The following CELF4 variants were observed in gnomAD, a reference collection of about 807,000 sequenced individuals.
CELF4 encodes CUGBP Elav-like family member 4, also known as CUG-BP- and ETR-3-like factor 4.
Under a neutral mutation model 59.9 loss-of-function variants are expected in CELF4, and 18 were observed. The ratio of observed to expected loss-of-function variants is 0.30; its 90% CI spans 0.21 to 0.45. CELF4 has a LOEUF of 0.45. Ranked by LOEUF, CELF4 falls within the 20% of genes least tolerant of loss-of-function variation. CELF4 has a pLI of 1.00. For missense variants in CELF4, 456 were observed against 689.0 expected, an observed-to-expected ratio of 0.66 and a Z score of 3.79; for synonymous variants, 261 against 267.1, an observed-to-expected ratio of 0.98 and a Z score of 0.22.
chr18:37,325,317 C>T (rs1431986218), intron 2 of CELF4, among the ~76,000 whole-genome samples: 1 of 152,222 alleles, frequency 6.6e-6, no homozygotes, highest in Non-Finnish European at 1.5e-5. Context: ...CTGTGTTTTA[C>T]AGCCAGTCTT....
At chr18:37,378,881 C>T (rs1035634653) in intron 2 of CELF4, among the ~76,000 whole-genome samples, 1 of 152,168 alleles carries the variant, frequency 6.6e-6, no homozygotes, top group African/African-American at 2.4e-5. Context: ...CCGGGCTGGG[C>T]TCCAGCCAGC....
At chr18:37,542,614 G>T (rs566154632) in intron 1 of CELF4, among the ~76,000 whole-genome samples, 48 of 152,256 alleles carry the variant, frequency 3.2e-4, no homozygotes, top group African/African-American at 9.9e-4. Flanking sequence ...TGTTCTCCTA[G>T]GAAAACTGGG....
chr18:37,515,065 C>T (rs1418816095), intron 1 of CELF4, among the ~76,000 whole-genome samples: 1 of 152,140 alleles, frequency 6.6e-6, no homozygotes, highest in East Asian at 1.9e-4. Context: ...TCTCCAGGCC[C>T]ATTTGCCTGT....
intron 1 of CELF4, among the ~76,000 whole-genome samples, chr18:37,514,600 C>T (rs59786195): frequency 0.046 from 7,005 of 152,174 alleles, 517 homozygotes; most frequent in African/African-American, 0.15. Context: ...ATTGAGCTCC[C>T]GGTCCCAAGC....
intron 2 of CELF4, among the ~76,000 whole-genome samples, chr18:37,403,107 T>G (rs1455917002): frequency 1.4e-5 from 2 of 142,642 alleles, no homozygotes; most frequent in Admixed American, 6.9e-5. Context: ...ACAGTGAGAG[T>G]GAGGGGAGAG....
chr18:37,413,421 G>A (rs1188040702), intron 2 of CELF4, among the ~76,000 whole-genome samples: 1 of 152,126 alleles, frequency 6.6e-6, no homozygotes, highest in African/African-American at 2.4e-5. Flanking sequence ...GGTATGTTGT[G>A]GGGCATGTTG....
At chr18:37,541,335 C>A (rs1473226876) in intron 1 of CELF4, among the ~76,000 whole-genome samples, 1 of 151,994 alleles carries the variant, frequency 6.6e-6, no homozygotes, top group African/African-American at 2.4e-5. Flanking sequence ...TGCCTCTATT[C>A]GTCCTGGGCG....
chr18:37,254,806 T>C lies in CELF4; in HGVS notation c.1334-868A>G, dbSNP rs560536814. Among the ~76,000 whole-genome samples the C allele has an allele frequency of 5.6e-4, 85 of 152,312 alleles. No homozygotes were observed. The highest frequency in any genetic ancestry group is 1.1e-3 in the Non-Finnish European group (72 of 68,020). On this transcript the variant is annotated intron_variant, in intron 11 of 12. Transcript: ENST00000420428. The surrounding 1 kb of genome is among the most constrained non-coding windows in gnomAD (Gnocchi z 5.1). ...CGCGCAGGTCCCAGATGGGCACAGG[T>C]CATGTTCCCAAAATGAGGTCAGAAG...
intron 2 of CELF4, among the ~76,000 whole-genome samples, chr18:37,443,341 A>C (rs568138367): frequency 3.3e-5 from 5 of 152,070 alleles, no homozygotes; most frequent in African/African-American, 1.2e-4. Context: ...TAAACAGGGG[A>C]GTGGGGGGAG....
Position 37,522,472 on chromosome 18 carries a change from T to A in CELF4, c.287-36865A>T, listed in dbSNP as rs530484980. 2.7e-4 allele frequency among the ~76,000 whole-genome samples: 41 copies of A among 152,060 alleles called. 1 individual carries two copies. Among genetic ancestry groups the A allele is most frequent in the South Asian group, 2.1e-4 (1 of 4,800 alleles). On this transcript the variant is annotated intron_variant, in intron 1 of 12. Coordinates refer to ENST00000420428, the MANE Select transcript of CELF4 (RefSeq NM_020180.4). ...AGGGGAAAATGTTGTCAACTCTCCATTGAGACCCTGCCAGGTCTGACTGGA... is the reference window on the plus strand; with the variant it reads ...AGGGGAAAATGTTGTCAACTCTCCAATGAGACCCTGCCAGGTCTGACTGGA...
chr18:37,384,700 C>T (rs977196245), intron 2 of CELF4, among the ~76,000 whole-genome samples: 1 of 152,314 alleles, frequency 6.6e-6, no homozygotes, highest in Middle Eastern at 3.4e-3. Flanking sequence ...AAATGGGGAA[C>T]ATCACGGGTC....
intron 3 of CELF4, among the ~76,000 whole-genome samples, chr18:37,312,175 C>A (rs1341043806): frequency 6.6e-6 from 1 of 151,466 alleles, no homozygotes; most frequent in Non-Finnish European, 1.5e-5. Flanking sequence ...GAATAAAACC[C>A]CAGGGCAGAG....
chr18:37,432,206 T>G (rs2099671185), intron 2 of CELF4, among the ~76,000 whole-genome samples: 1 of 152,106 alleles, frequency 6.6e-6, no homozygotes, highest in Non-Finnish European at 1.5e-5. Flanking sequence ...GCCCCTCAGG[T>G]GGATCCCACC....
chr18:37,257,774 A>C (rs2070924470), intron 11 of CELF4, among the ~76,000 whole-genome samples: 1 of 152,124 alleles, frequency 6.6e-6, no homozygotes, highest in South Asian at 2.1e-4. Context: ...AGTGTCTGGC[A>C]GACTCAGCTC....
chr18:37,408,760 G>A (rs537429811), intron 2 of CELF4, among the ~76,000 whole-genome samples: 27 of 152,228 alleles, frequency 1.8e-4, no homozygotes, highest in Non-Finnish European at 2.4e-4. Flanking sequence ...ACCCTCCCCC[G>A]AACACGGGCT....
intron 2 of CELF4, among the ~76,000 whole-genome samples, chr18:37,339,440 A>C (rs1056256602): frequency 9.2e-5 from 14 of 152,210 alleles, no homozygotes; most frequent in African/African-American, 3.4e-4. Context: ...GTGCTCATAC[A>C]TGTAGTCATG....
At chr18:37,476,674 G>A (rs909776402) in intron 2 of CELF4, among the ~76,000 whole-genome samples, 3 of 152,164 alleles carry the variant, frequency 2.0e-5, no homozygotes, top group Non-Finnish European at 4.4e-5. Flanking sequence ...ACACACATGC[G>A]CCCAGCAGAA....
At chr18:37,367,854 G>A (rs903577950) in intron 2 of CELF4, among the ~76,000 whole-genome samples, 7 of 152,136 alleles carry the variant, frequency 4.6e-5, no homozygotes, top group Admixed American at 1.3e-4. Flanking sequence ...ACGCTGCTGC[G>A]TTGCCAAGAG....
intron 1 of CELF4, among the ~76,000 whole-genome samples, chr18:37,510,863 G>A (rs1384798284): frequency 6.6e-6 from 1 of 152,258 alleles, no homozygotes. Context: ...GCTGACCCAG[G>A]GGCTGTGCCT....
Sources: gnomAD v4.1 joint callset for allele counts (sites outside exome capture counted in the v4.1 genomes callset) on GRCh38, gnomAD v4.1.1 for gene constraint, Gnocchi (gnomAD v3.1) non-coding constraint, MANE v1.5 for transcripts, NCBI Gene and HGNC (gene_info 2026-07-23, HGNC 2026-07-21) for gene names.